CYP11B2: variants seen among roughly 807,000 people sequenced by gnomAD.
The protein encoded by CYP11B2 is cytochrome P450 family 11 subfamily B member 2.
CYP11B2 carries 38 observed loss-of-function variants against 49.3 expected under a neutral mutation model. That is an observed-to-expected ratio of 0.77 (90% CI 0.59 to 1.01). The LOEUF is 1.01. CYP11B2 is among the 50% of genes least tolerant of loss of function. The pLI is 0.00. For synonymous variants in CYP11B2, 290 were observed against 269.3 expected, an observed-to-expected ratio of 1.08 and a Z score of -0.75; for missense variants, 669 against 655.5, an observed-to-expected ratio of 1.02 and a Z score of -0.23.
chr8:142,913,367 C>T lies in CYP11B2; in HGVS notation c.1039G>A (p.Ala347Thr), dbSNP rs746708275. The T allele has an allele frequency of 1.9e-5, 31 of 1,613,814 alleles. No individual in the cohort carries two copies. Among genetic ancestry groups the T allele is most frequent in the African/African-American group, 1.1e-4 (8 of 74,902 alleles). The change falls in exon 6 of 9, where the codon GCC (alanine) becomes ACC (threonine). Residue 347 changes from alanine (A) to threonine (T), a missense_variant. Transcript: ENST00000323110. ...GGATGTTCACTGATGCTGGCTGCGG[C>T]GGCCAGGCTCTCCTGGCGCAGGATC... ...QQILRQESLA[A>T]AASISEHPQK...
At chr8:142,913,482 T>G (rs779828747) in intron 5 of CYP11B2, 31 bp from the exon 6 acceptor site, 1 of 1,613,804 alleles carries the variant, frequency 6.2e-7, no homozygotes, top group East Asian at 2.2e-5. Flanking sequence ...GGGTCAGACC[T>G]TGCACAGGAG....
chr8:142,917,280 C>T, intron 1 of CYP11B2, 66 bp from the exon 2 acceptor site: 1 of 1,566,420 alleles, frequency 6.4e-7, no homozygotes, highest in South Asian at 1.1e-5. Context: ...CCCTGCAGTC[C>T]CAATCCAAAG....
intron 5 of CYP11B2, among the ~76,000 whole-genome samples, chr8:142,913,809 T>C (rs1817584962): frequency 2.0e-5 from 3 of 152,250 alleles, no homozygotes; most frequent in Middle Eastern, 3.4e-3. Flanking sequence ...CACAGGCCCC[T>C]CTGCACTGGC....
rs1396377821 is a variant in CYP11B2, at chr8:142,914,724, C to T, written c.780G>A (p.Trp260Ter). The T allele has an allele frequency of 3.7e-6, 6 of 1,611,140 alleles. No homozygotes were observed. Among genetic ancestry groups the T allele is most frequent in the Non-Finnish European group, 5.1e-6 (6 of 1,179,044 alleles). Residue 260 changes from tryptophan to a stop codon, truncating the protein, a stop_gained, in exon 4 of 9, where the codon TGG becomes TGA. Coordinates refer to ENST00000323110, the MANE Select transcript of CYP11B2 (RefSeq NM_000498.3). LOFTEE classifies it high-confidence loss of function. ...PKVWKEHFEA[W>*]DCIFQYGDNC... Reference sequence around the variant, plus strand: ...CCTCACCGTACTGGAAGATGCAGTCCCAGGCCTCAAAGTGCTCCTTCCACA... The same window carrying T: ...CCTCACCGTACTGGAAGATGCAGTCTCAGGCCTCAAAGTGCTCCTTCCACA...
Position 142,914,898 on chromosome 8 carries a change from T to G in CYP11B2, c.606A>C (p.Leu202Phe). Residue 202 changes from leucine (L) to phenylalanine (F), a missense_variant, in exon 4 of 9, where the codon TTA (leucine) becomes TTC (phenylalanine). By Grantham distance (22) the Leu-to-Phe change is conservative (BLOSUM62 0). Transcript: ENST00000323110. ...IFHYTIEASN[L>F]ALFGERLGLV... ...GGCCCAGCCGCTCTCCAAAAAGAGC[T>G]AAGTTGCTGGCTGCGGGGAGGATGC... 1 of 1,611,848 alleles carries G rather than the reference T, an allele frequency of 6.2e-7. No homozygotes were observed. The highest frequency in any genetic ancestry group is 2.2e-5 in the East Asian group (1 of 44,844).
intron 8 of CYP11B2, 28 bp downstream of exon 8, chr8:142,912,502 T>C: frequency 5.7e-6 from 7 of 1,235,716 alleles, no homozygotes; most frequent in South Asian, 1.2e-5. Flanking sequence ...GCTGCCCAGG[T>C]CCCGCCCCCG....
In CYP11B2 at chr8:142,915,112, G is replaced by A. The variant is rs577489337; in HGVS notation, c.529C>T (p.Leu177=). 294 of 1,613,834 alleles carry A rather than the reference G, an allele frequency of 1.8e-4. 1 individual carries two copies. The East Asian group carries it at 6.5e-3, about 35-fold the overall frequency. The change falls in exon 3 of 9, where the codon CTG becomes TTG. Residue 177 remains leucine, a synonymous_variant. Coordinates refer to ENST00000323110, the MANE Select transcript of CYP11B2 (RefSeq NM_000498.3). Reference sequence around the variant, plus strand: ...GTCAGGCTCCCCCGGGCGTTCTGCAGCACCTTCTTCTTCAGGGCCTGGGAG... The same window carrying A: ...GTCAGGCTCCCCCGGGCGTTCTGCAACACCTTCTTCTTCAGGGCCTGGGAG... ...DFSQALKKKV[L]QNARGSLTLD...
intron 1 of CYP11B2, 33 bp from the exon 2 acceptor site, chr8:142,917,247 G>C (rs1817664194): frequency 1.2e-6 from 2 of 1,610,188 alleles, no homozygotes; most frequent in African/African-American, 2.7e-5. Flanking sequence ...CTGCTGGACG[G>C]GGTCATGTCC....
chr8:142,917,637 C>T lies in CYP11B2; in HGVS notation c.204G>A (p.Met68Ile), dbSNP rs61758593. The change falls in exon 1 of 9, where the codon ATG (methionine) becomes ATA (isoleucine). Residue 68 changes from methionine (M) to isoleucine (I), a missense_variant. By Grantham distance (10) the Met-to-Ile change is conservative. Coordinates refer to ENST00000323110, the MANE Select transcript of CYP11B2 (RefSeq NM_000498.3). ...GCCCCAGCTCCTGGAAGGTCTGGTGCATCTCCAGGTGCAGGTGCTCATAAC... is the reference window on the plus strand; with the variant it reads ...GCCCCAGCTCCTGGAAGGTCTGGTGTATCTCCAGGTGCAGGTGCTCATAAC... ...EQGYEHLHLE[M>I]HQTFQELGPI... is the part of the protein sequence containing the mutation. 1.2e-6 allele frequency: 2 copies of T among 1,614,232 alleles called. No homozygotes were observed. The highest frequency in any genetic ancestry group is 2.2e-5 in the South Asian group (2 of 91,090).
At chr8:142,914,624 C>A (rs1817606255) in intron 4 of CYP11B2, 81 bp downstream of exon 4, 2 of 1,467,912 alleles carry the variant, frequency 1.4e-6, no homozygotes, top group Non-Finnish European at 1.9e-6. Flanking sequence ...GGCCTCCATT[C>A]CCCACTGGGT....
intron 1 of CYP11B2, 132 bp downstream of exon 1, chr8:142,917,470 T>C (rs1226737447): frequency 1.2e-6 from 2 of 1,611,966 alleles, no homozygotes; most frequent in Admixed American, 3.3e-5. Context: ...TGTGCTGCAC[T>C]CCTTCCCCAT....
intron 5 of CYP11B2, 30 bp from the exon 6 acceptor site, chr8:142,913,481 C>T (rs755776494): frequency 6.2e-7 from 1 of 1,613,950 alleles, no homozygotes; most frequent in East Asian, 2.2e-5. Context: ...AGGGTCAGAC[C>T]TTGCACAGGA....
At chr8:142,912,170 G>C in intron 8 of CYP11B2, 77 bp from the exon 9 acceptor site, 1 of 1,603,850 alleles carries the variant, frequency 6.2e-7, no homozygotes, top group East Asian at 2.2e-5. Flanking sequence ...CATCGTCCCA[G>C]GTGCAACAAT....
At chr8:142,915,884 A>G (rs564234161) in intron 2 of CYP11B2, among the ~76,000 whole-genome samples, 13 of 152,230 alleles carry the variant, frequency 8.5e-5, no homozygotes, top group African/African-American at 2.9e-4. Flanking sequence ...AAACTCCTTT[A>G]TTTATGTCCA....
chr8:142,917,777 G>T lies in CYP11B2; in HGVS notation c.64C>A (p.Arg22=). ...CGAGCGGCTCTAGTGCCCAGTGCCC[G>T]TGCCCTTTGCAGGGACAGCCAGGGC... ...AAPWLSLQRA[R]ALGTRAARAP... is the part of the protein sequence containing the mutation. Residue 22 remains arginine (R), a synonymous_variant, in exon 1 of 9, where the codon CGG becomes AGG. Transcript: ENST00000323110. 1 of 1,614,172 alleles carries T rather than the reference G, an allele frequency of 6.2e-7. No individual in the cohort carries two copies. Among genetic ancestry groups the T allele is most frequent in the Non-Finnish European group, 8.5e-7 (1 of 1,180,034 alleles).
At chr8:142,913,204 A>G in intron 6 of CYP11B2, 81 bp downstream of exon 6, 1 of 1,493,110 alleles carries the variant, frequency 6.7e-7, no homozygotes, top group Admixed American at 1.7e-5. Flanking sequence ...TATCAGCCCC[A>G]GATTCTGTCT....
At chr8:142,912,920 G>C (rs1266696365) in intron 6 of CYP11B2, 35 bp from the exon 7 acceptor site, 3 of 1,582,308 alleles carry the variant, frequency 1.9e-6, no homozygotes, top group Admixed American at 1.7e-5. Flanking sequence ...AGGGTCCTCA[G>C]CTGGATGGGG....
At position 142,917,773 on chromosome 8, in the gene CYP11B2, G is replaced by A. The variant is rs1563882431; in HGVS notation, c.68C>T (p.Ala23Val). The part of the protein sequence containing the change: ...APWLSLQRAR[A>V]LGTRAARAPR... ...GGCCCGAGCGGCTCTAGTGCCCAGTGCCCGTGCCCTTTGCAGGGACAGCCA... is the reference window on the plus strand; with the variant it reads ...GGCCCGAGCGGCTCTAGTGCCCAGTACCCGTGCCCTTTGCAGGGACAGCCA... Residue 23 changes from alanine (A) to valine (V), a missense_variant, in exon 1 of 9, where the codon GCA (alanine) becomes GTA (valine). Physicochemically the swap from Ala to Val is moderately conservative, Grantham distance 64. Coordinates refer to ENST00000323110, the MANE Select transcript of CYP11B2 (RefSeq NM_000498.3). The A allele has an allele frequency of 6.2e-7, 1 of 1,614,198 alleles. No individual in the cohort carries two copies. Among genetic ancestry groups the A allele is most frequent in the Admixed American group, 1.7e-5 (1 of 60,034 alleles).
chr8:142,911,897 C>T lies in CYP11B2; in HGVS notation c.*83G>A. On this transcript the variant is annotated 3_prime_UTR_variant, in exon 9 of 9. Coordinates refer to ENST00000323110, the MANE Select transcript of CYP11B2 (RefSeq NM_000498.3). ...CAGAGGGGTGACTCAGGAAGCTGTG[C>T]ACGTGGGAGAGAAGACAGGTGGCCT... is the stretch of plus-strand genomic sequence containing the variant. 4 of 1,597,774 alleles carry T rather than the reference C, an allele frequency of 2.5e-6. No homozygotes were observed. The highest frequency in any genetic ancestry group is 1.8e-4 in the Middle Eastern group (1 of 5,544).
Sources: gnomAD v4.1 joint callset for allele counts (sites outside exome capture counted in the v4.1 genomes callset) on GRCh38, gnomAD v4.1.1 for gene constraint, MANE v1.5 for transcripts, NCBI Gene and HGNC (gene_info 2026-07-23, HGNC 2026-07-21) for gene names.